PPP1R1C: variants seen among roughly 807,000 people sequenced by gnomAD.
PPP1R1C encodes the protein protein phosphatase 1 regulatory inhibitor subunit 1C.
A neutral mutation model predicts 17.4 loss-of-function variants in PPP1R1C; 15 were observed. The observed-to-expected ratio is 0.86, with a 90% confidence interval of 0.58 to 1.33. PPP1R1C has a LOEUF of 1.33. PPP1R1C is among the 40% of genes most tolerant of loss of function. The pLI is 0.00. For missense variants in PPP1R1C, 143 were observed against 130.0 expected (o/e 1.10, Z -0.48); for synonymous variants, 35 against 43.1 (o/e 0.81, Z 0.73).
chr2:181,984,623 C>T (rs1685253689), upstream of PPP1R1C, among the ~76,000 whole-genome samples: 1 of 152,196 alleles, frequency 6.6e-6, no homozygotes, highest in Non-Finnish European at 1.5e-5. Context: ...TAGAAAACTA[C>T]TTCAATAATG....
At chr2:181,965,424 G>A (rs1231822554) in intron 1 of PPP1R1C, among the ~76,000 whole-genome samples, 1 of 152,190 alleles carries the variant, frequency 6.6e-6, no homozygotes, top group Non-Finnish European at 1.5e-5. Context: ...TGGTTTCATA[G>A]TTTGGGGTTC....
chr2:182,089,912 T>G (rs1325343834), intron 4 of PPP1R1C, among the ~76,000 whole-genome samples: 1 of 152,072 alleles, frequency 6.6e-6, no homozygotes, highest in East Asian at 1.9e-4. Context: ...ATGGCATAAA[T>G]ATTTTACAGC....
chr2:181,996,420 G>C (rs1685614592), intron 2 of PPP1R1C, among the ~76,000 whole-genome samples: 1 of 152,118 alleles, frequency 6.6e-6, no homozygotes, highest in Non-Finnish European at 1.5e-5. Context: ...TAATACTTCA[G>C]GGGTTCCCAG....
chr2:181,975,772 C>A (rs1685083194), intron 2 of PPP1R1C, among the ~76,000 whole-genome samples: 2 of 151,840 alleles, frequency 1.3e-5, no homozygotes, highest in Admixed American at 1.3e-4. Context: ...CTCTGTGTAC[C>A]TATAATATTG....
intron 2 of PPP1R1C, among the ~76,000 whole-genome samples, chr2:181,979,575 A>G (rs1574349062): frequency 6.6e-6 from 1 of 152,172 alleles, no homozygotes; most frequent in Admixed American, 6.5e-5. Context: ...TAAATCCCAC[A>G]TTTCTTTGCA....
intron 4 of PPP1R1C, among the ~76,000 whole-genome samples, chr2:182,071,766 C>T (rs1331083647): frequency 1.3e-5 from 2 of 152,190 alleles, no homozygotes; most frequent in Non-Finnish European, 2.9e-5. Flanking sequence ...TGGATTATAA[C>T]TCAATACTAT....
chr2:182,077,316 C>A (rs1054345220), intron 4 of PPP1R1C, among the ~76,000 whole-genome samples: 2 of 152,036 alleles, frequency 1.3e-5, no homozygotes, highest in East Asian at 3.8e-4. Context: ...AAAGGAGAAA[C>A]GCCTGATCGT....
Position 181,961,981 on chromosome 2 carries a change from G to T in PPP1R1C, n.111+7347G>T. The T allele has an allele frequency of 2.7e-6, 2 of 734,282 alleles. No homozygotes were observed. Among genetic ancestry groups the T allele is most frequent in the South Asian group, 2.7e-5 (2 of 73,188 alleles). The allele number at this position is 734,282 out of a possible 1,614,324, so 45.5% of individuals were successfully genotyped here. On this transcript the variant is annotated intron_variant and non_coding_transcript_variant, in intron 1 of 5. Transcript: ENST00000464264. The surrounding 1 kb of genome is among the most constrained non-coding windows in gnomAD (Gnocchi z 5.8). ...GCATGGCCAGCTCTGTCTCATACTT[G>T]ACTCTAAAGTCATCGGCTGCAAGAC...
chr2:181,981,464 T>G (rs1685193413), upstream of PPP1R1C, among the ~76,000 whole-genome samples: 1 of 152,228 alleles, frequency 6.6e-6, no homozygotes, highest in Non-Finnish European at 1.5e-5. Flanking sequence ...TAGGACATTC[T>G]GAAAGAGTTA....
intron 4 of PPP1R1C, among the ~76,000 whole-genome samples, chr2:182,082,928 G>A (rs954985712): frequency 5.9e-5 from 9 of 152,092 alleles, no homozygotes; most frequent in Admixed American, 2.0e-4. Context: ...CACGGTACCC[G>A]GTGGGATAGA....
chr2:182,007,520 T>G (rs956662323), intron 2 of PPP1R1C, among the ~76,000 whole-genome samples: 2 of 152,182 alleles, frequency 1.3e-5, no homozygotes, highest in African/African-American at 4.8e-5. Flanking sequence ...TCTATGCTTT[T>G]GAGAATAACG....
chr2:182,046,368 A>G (rs1921142), intron 2 of PPP1R1C, among the ~76,000 whole-genome samples: 6,588 of 152,124 alleles, frequency 0.043, 440 homozygotes, highest in Admixed American at 0.18. Flanking sequence ...GAAACCCAAT[A>G]TTAAACATAG....
At chr2:182,081,590 T>A (rs936061121) in intron 4 of PPP1R1C, among the ~76,000 whole-genome samples, 2 of 152,132 alleles carry the variant, frequency 1.3e-5, no homozygotes, top group African/African-American at 4.8e-5. Flanking sequence ...GTAAAGCAAA[T>A]GAGAGAAACT....
intron 4 of PPP1R1C, among the ~76,000 whole-genome samples, chr2:182,096,284 G>T (rs529388052): frequency 2.0e-5 from 3 of 152,148 alleles, no homozygotes; most frequent in Non-Finnish European, 4.4e-5. Flanking sequence ...GACTTCTCTG[G>T]ATTGAGGGTC....
At chr2:182,097,874 T>C (rs2125225693) in intron 4 of PPP1R1C, among the ~76,000 whole-genome samples, 1 of 151,902 alleles carries the variant, frequency 6.6e-6, no homozygotes, top group Admixed American at 6.6e-5. Flanking sequence ...GAAGAGAGGG[T>C]TTCATATCAA....
At chr2:182,109,660 A>C (rs1689359851) in intron 4 of PPP1R1C, among the ~76,000 whole-genome samples, 1 of 152,208 alleles carries the variant, frequency 6.6e-6, no homozygotes, top group South Asian at 2.1e-4. Context: ...GACTACATTT[A>C]CATGAGTCAG....
chr2:181,962,132 A>T lies in PPP1R1C; in HGVS notation n.111+7498A>T, dbSNP rs1429557676. 5 of 728,706 alleles carry T rather than the reference A, an allele frequency of 6.9e-6. No homozygotes were observed. The Admixed American group carries it at 8.8e-5, about 13-fold the overall frequency. The allele number at this position is 728,706 out of a possible 1,614,324, so 45.1% of individuals were successfully genotyped here. A position where few individuals can be genotyped will look rare whatever the true frequency, so the allele number is the denominator to read the frequency against. On this transcript the variant is annotated intron_variant and non_coding_transcript_variant, in intron 1 of 5. Transcript: ENST00000464264. This position sits in a 1 kb window ranked among gnomAD's most constrained non-coding sequence, Gnocchi z 6.0. ...TCTGACCTGGAGTCCCTTCTTCTCC[A>T]GGTGCTCCCGGATTTTGCTCTCCAG...
intron 2 of PPP1R1C, among the ~76,000 whole-genome samples, chr2:182,059,796 G>A (rs943158390): frequency 8.6e-5 from 13 of 151,984 alleles, no homozygotes; most frequent in Non-Finnish European, 1.6e-4. Flanking sequence ...AATTGCCTTG[G>A]GAAAACACTG....
downstream of PPP1R1C, among the ~76,000 whole-genome samples, chr2:182,118,970 T>C (rs180942263): frequency 3.3e-5 from 5 of 152,134 alleles, no homozygotes; most frequent in African/African-American, 1.2e-4. Flanking sequence ...TTGTTACATA[T>C]GTATACATGT....
Sources: allele counts gnomAD v4.1 joint callset (sites outside exome capture counted in the v4.1 genomes callset), GRCh38; gene constraint gnomAD v4.1.1; non-coding constraint Gnocchi (gnomAD v3.1); transcripts MANE v1.5; gene names NCBI Gene and HGNC (gene_info 2026-07-23, HGNC 2026-07-21).